Variants in CUL1 observed in about 807,000 individuals in gnomAD.
The protein encoded by CUL1 is cullin 1, also known as cullin-1.
CUL1 carries 24 observed loss-of-function variants against 118.0 expected under a neutral mutation model. That is an observed-to-expected ratio of 0.20 (90% confidence interval 0.15 to 0.29). The LOEUF (loss-of-function observed/expected upper bound fraction) is 0.29, where lower values mean the gene tolerates loss of function less well. Ranked by LOEUF, CUL1 falls within the 10% of genes least tolerant of loss-of-function variation. CUL1 has a pLI of 1.00. For missense variants in CUL1, 361 were observed against 933.8 expected, an observed-to-expected ratio of 0.39 and a Z score of 7.99; for synonymous variants, 332 against 340.4, an observed-to-expected ratio of 0.98 and a Z score of 0.27.
chr7:148,783,282 G>T, intron 9 of CUL1: 1 of 972,712 alleles, frequency 1.0e-6, no homozygotes. Flanking sequence ...CCTGGCCCCC[G>T]GCATCGCCAC....
At chr7:148,718,703 T>A (rs1241899818) in intron 1 of CUL1, among the ~76,000 whole-genome samples, 2 of 141,556 alleles carry the variant, frequency 1.4e-5, no homozygotes, top group Non-Finnish European at 3.0e-5. Flanking sequence ...GTACAAGTCT[T>A]TGGGTGGATG....
chr7:148,772,430 A>C (rs28605523), intron 9 of CUL1, among the ~76,000 whole-genome samples: 2 of 149,378 alleles, frequency 1.3e-5, no homozygotes, highest in African/African-American at 5.0e-5. Context: ...AAAAACAAAA[A>C]AAAAAACCCA....
At chr7:148,715,668 T>G (rs1206409247) in intron 1 of CUL1, among the ~76,000 whole-genome samples, 1 of 152,224 alleles carries the variant, frequency 6.6e-6, no homozygotes, top group African/African-American at 2.4e-5. Context: ...GATTTTTGTT[T>G]GCGCTGTTGC....
chr7:148,783,502 C>A, intron 9 of CUL1: 1 of 1,284,036 alleles, frequency 7.8e-7, no homozygotes, highest in Non-Finnish European at 9.9e-7. Flanking sequence ...ATGCTGTTTT[C>A]ATGATCTCTT....
chr7:148,763,217 A>G (rs865906544), intron 7 of CUL1, among the ~76,000 whole-genome samples: 1 of 152,148 alleles, frequency 6.6e-6, no homozygotes, highest in African/African-American at 2.4e-5. Context: ...AGAATTTCCA[A>G]TGGCCTCGAT....
chr7:148,780,125 A>C (rs78958247), intron 9 of CUL1, among the ~76,000 whole-genome samples: 2 of 138,668 alleles, frequency 1.4e-5, no homozygotes, highest in South Asian at 4.5e-4. Flanking sequence ...ATATATATAT[A>C]TCTCCTGTTA....
intron 2 of CUL1, among the ~76,000 whole-genome samples, chr7:148,743,972 A>G (rs113737598): frequency 6.6e-6 from 1 of 152,210 alleles, no homozygotes; most frequent in African/African-American, 2.4e-5. Context: ...TTAGACAAAA[A>G]TACATTTGCG....
intron 2 of CUL1, among the ~76,000 whole-genome samples, chr7:148,739,769 T>G (rs1215694241): frequency 2.6e-5 from 4 of 152,220 alleles, no homozygotes; most frequent in Admixed American, 2.6e-4. Flanking sequence ...ATTTTTGCAG[T>G]TATTGCCTCT....
chr7:148,772,453 A>G lies in CUL1; in HGVS notation c.1083+4704A>G, dbSNP rs559768945. On this transcript the variant is annotated intron_variant, in intron 9 of 21. Transcript: ENST00000325222. ...AAAAAAAAACCCACACATTCAGTTT[A>G]TGATGGGCTTATTGAAACATTATCC... 1.5e-4 allele frequency among the ~76,000 whole-genome samples: 23 copies of G among 152,010 alleles called. No homozygotes were observed. The South Asian group carries it at 4.8e-3, about 32-fold the overall frequency.
In CUL1 at chr7:148,768,378, CTTTTTTT is replaced by C. The variant is rs10595637; in HGVS notation, c.1083+647_1083+653del. 5.9e-3 allele frequency among the ~76,000 whole-genome samples: 559 copies of C among 94,890 alleles called. 7 individuals are homozygous for C. Among genetic ancestry groups the C allele is most frequent in the African/African-American group, 0.021 (508 of 24,464 alleles). 62.3% of individuals were successfully genotyped at this position (94,890 alleles called of 152,430 possible). ...GGGAGAACAATAGAGAAGAAAAGCT[CTTTTTTT>C]TTTTTTTTTTTTTTTTTGAGAAGGC... On this transcript the variant is annotated intron_variant, in intron 9 of 21. Transcript: ENST00000325222.
intron 7 of CUL1, among the ~76,000 whole-genome samples, chr7:148,762,667 A>G (rs1799871508): frequency 6.6e-6 from 1 of 152,360 alleles, no homozygotes; most frequent in African/African-American, 2.4e-5. Flanking sequence ...TATATATCCC[A>G]AAGACCTCTT....
chr7:148,764,111 T>C (rs754163859), intron 7 of CUL1, among the ~76,000 whole-genome samples: 1 of 152,218 alleles, frequency 6.6e-6, no homozygotes, highest in Non-Finnish European at 1.5e-5. Flanking sequence ...TTAAAAACTT[T>C]AAAAATATAC....
At chr7:148,799,686 G>A (rs1182796286) in intron 21 of CUL1, among the ~76,000 whole-genome samples, 1 of 150,742 alleles carries the variant, frequency 6.6e-6, no homozygotes, top group African/African-American at 2.4e-5. Flanking sequence ...CAGCACCTGT[G>A]TCCCATAGAA....
chr7:148,727,072 A>G (rs1251302397), intron 1 of CUL1, among the ~76,000 whole-genome samples: 2 of 152,166 alleles, frequency 1.3e-5, no homozygotes, highest in African/African-American at 2.4e-5. Context: ...AGCGTAGACG[A>G]TGTCTGTTTA....
chr7:148,722,456 C>T (rs749782850), intron 1 of CUL1, among the ~76,000 whole-genome samples: 2 of 152,176 alleles, frequency 1.3e-5, no homozygotes, highest in African/African-American at 4.8e-5. Context: ...CCATAAAGAC[C>T]AAGACCCCTT....
intron 2 of CUL1, among the ~76,000 whole-genome samples, chr7:148,751,398 A>T (rs535773585): frequency 6.6e-6 from 1 of 152,158 alleles, no homozygotes; most frequent in South Asian, 2.1e-4. Context: ...AAATACAAAA[A>T]TTAGCCAGGA....
intron 1 of CUL1, among the ~76,000 whole-genome samples, chr7:148,724,417 G>A (rs997906859): frequency 1.3e-5 from 2 of 152,192 alleles, no homozygotes; most frequent in African/African-American, 4.8e-5. Context: ...TTAGATGAAA[G>A]TGAAGTATAA....
intron 2 of CUL1, among the ~76,000 whole-genome samples, chr7:148,753,323 GT>G (rs1206048895): frequency 1.1e-4 from 17 of 152,270 alleles, no homozygotes; most frequent in African/African-American, 3.4e-4. Flanking sequence ...ACAGAACACG[GT>G]GGTTTTCTGC....
At position 148,800,374 on chromosome 7, in the gene CUL1, G is replaced by A; in HGVS notation, c.2251-128G>A. On this transcript the variant is annotated intron_variant, in intron 21 of 21. Transcript: ENST00000325222. This position sits in a 1 kb window ranked among gnomAD's most constrained non-coding sequence, Gnocchi z 4.6. The stretch of plus-strand genomic sequence containing the variant: ...CTCTATGCTAACAGATCTGGGGCGG[G>A]GACACTGCTCCCCACTGAGCTCCGA... The A allele has an allele frequency of 2.8e-6, 2 of 703,938 alleles. No homozygotes were observed. Among genetic ancestry groups the A allele is most frequent in the South Asian group, 1.7e-5 (1 of 58,080 alleles). The allele number at this position is 703,938 out of a possible 1,614,324, so 43.6% of individuals were successfully genotyped here. A position where few individuals can be genotyped will look rare whatever the true frequency, so the allele number is the denominator to read the frequency against.
Sources: allele counts gnomAD v4.1 joint callset (sites outside exome capture counted in the v4.1 genomes callset), GRCh38; gene constraint gnomAD v4.1.1; non-coding constraint Gnocchi (gnomAD v3.1); transcripts MANE v1.5; gene names NCBI Gene and HGNC (gene_info 2026-07-23, HGNC 2026-07-21).